The following DOCK2 variants were observed in gnomAD, a reference collection of about 807,000 sequenced individuals.
DOCK2 encodes the protein dedicator of cytokinesis protein 2.
A neutral mutation model predicts 248.9 loss-of-function variants in DOCK2; 87 were observed. That is an observed-to-expected ratio of 0.35 (90% confidence interval 0.29 to 0.42). DOCK2 has a LOEUF of 0.42. Among genes scored for constraint, DOCK2 ranks in the 10% least tolerant of loss-of-function variants. The pLI, the probability that DOCK2 is intolerant of heterozygous loss-of-function variation, is 1.00. For synonymous variants in DOCK2, 805 were observed against 821.6 expected (o/e 0.98, Z 0.35); for missense variants, 1,747 against 2,300.2 (o/e 0.76, Z 4.92).
intron 25 of DOCK2, among the ~76,000 whole-genome samples, chr5:169,781,304 A>G (rs1209642876): frequency 1.3e-5 from 2 of 152,264 alleles, no homozygotes. Flanking sequence ...TAACAAAACA[A>G]CATTGAATGA....
At chr5:169,749,354 C>T (rs548376541) in intron 23 of DOCK2, among the ~76,000 whole-genome samples, 13 of 152,194 alleles carry the variant, frequency 8.5e-5, no homozygotes, top group East Asian at 5.8e-4. Flanking sequence ...CACAGCTACC[C>T]GGACAAGAAG....
At chr5:169,688,743 T>C (rs1399974399) in intron 8 of DOCK2, among the ~76,000 whole-genome samples, 1 of 152,194 alleles carries the variant, frequency 6.6e-6, no homozygotes, top group Non-Finnish European at 1.5e-5. Flanking sequence ...GTATCTTAGA[T>C]AATGGCTGAG....
intron 22 of DOCK2, among the ~76,000 whole-genome samples, chr5:169,741,022 A>C (rs10063204): frequency 0.046 from 6,989 of 152,082 alleles, 557 homozygotes; most frequent in African/African-American, 0.16. Flanking sequence ...TTTTTTGTGG[A>C]GACATTTTCC....
chr5:169,782,672 C>T (rs557461153), intron 25 of DOCK2, among the ~76,000 whole-genome samples: 2 of 152,164 alleles, frequency 1.3e-5, no homozygotes, highest in South Asian at 4.2e-4. Context: ...ATTCAACAGC[C>T]ATGTAGGTCT....
intron 34 of DOCK2, among the ~76,000 whole-genome samples, chr5:170,033,370 T>C (rs10039787): frequency 0.049 from 7,501 of 152,232 alleles, 394 homozygotes; most frequent in African/African-American, 0.13. Context: ...AAACAAATAT[T>C]ATAATTTTAA....
At chr5:169,713,668 T>C (rs1360054118) in intron 17 of DOCK2, among the ~76,000 whole-genome samples, 7 of 152,202 alleles carry the variant, frequency 4.6e-5, no homozygotes, top group Non-Finnish European at 7.3e-5. Flanking sequence ...GCCATTAAAT[T>C]CCTCTTTAAG....
At chr5:169,883,492 C>T (rs1026814099) in intron 27 of DOCK2, 1 of 1,551,642 alleles carries the variant, frequency 6.4e-7, no homozygotes. Flanking sequence ...AGAGAGGTTA[C>T]CGTTGACCTG....
intron 46 of DOCK2, among the ~76,000 whole-genome samples, chr5:170,072,392 T>A (rs916211133): frequency 1.3e-5 from 2 of 152,242 alleles, no homozygotes; most frequent in Non-Finnish European, 2.9e-5. Context: ...ATCTATTGTA[T>A]GTGTATCTAA....
intron 27 of DOCK2, among the ~76,000 whole-genome samples, chr5:169,929,681 A>C (rs1263918636): frequency 2.0e-5 from 3 of 150,990 alleles, no homozygotes; most frequent in African/African-American, 7.3e-5. Flanking sequence ...TATGGAGGTC[A>C]CAGTGAGCCA....
At chr5:169,798,732 A>G (rs752282413) in intron 25 of DOCK2, among the ~76,000 whole-genome samples, 3 of 152,200 alleles carry the variant, frequency 2.0e-5, no homozygotes, top group Non-Finnish European at 4.4e-5. Context: ...TTTCCACCCT[A>G]GAATAGTGAC....
chr5:169,921,574 A>G (rs954533266), intron 27 of DOCK2, among the ~76,000 whole-genome samples: 1 of 152,216 alleles, frequency 6.6e-6, no homozygotes, highest in Non-Finnish European at 1.5e-5. Context: ...CTGTGGCTCT[A>G]AGCATTCCTG....
chr5:170,080,091 G>GAGACCC (rs1482242931), intron 49 of DOCK2, 72 bp from the exon 50 acceptor site: 1 of 1,592,072 alleles, frequency 6.3e-7, no homozygotes, highest in African/African-American at 1.3e-5. Context: ...TGATCTTTCA[G>GAGACCC]AGACCCAGAT....
chr5:170,058,704 A>G (rs1019172701), intron 44 of DOCK2, among the ~76,000 whole-genome samples: 3 of 152,198 alleles, frequency 2.0e-5, no homozygotes, highest in Non-Finnish European at 2.9e-5. Context: ...GTAGACCACC[A>G]TAAGGACTTT....
chr5:169,715,026 T>A (rs1042611103), intron 19 of DOCK2, among the ~76,000 whole-genome samples: 4 of 152,124 alleles, frequency 2.6e-5, no homozygotes, highest in South Asian at 4.1e-4. Context: ...CACAGATCAT[T>A]GTTAGAAATA....
chr5:170,054,035 T>A (rs1247028470), intron 41 of DOCK2, among the ~76,000 whole-genome samples: 1 of 126,172 alleles, frequency 7.9e-6, no homozygotes, highest in African/African-American at 3.9e-5. Flanking sequence ...AACTGGGGGG[T>A]GAATTGTTTT....
Position 169,753,997 on chromosome 5 carries a change from G to T in DOCK2, c.2377-5708G>T, listed in dbSNP as rs1764053679. ...TTTTGAATGCCTGTGGCTCTTGAAT[G>T]AGGAAGCTATCTGGTAGCATTCTTG... On this transcript the variant is annotated intron_variant, in intron 23 of 51. Coordinates refer to ENST00000520908, the MANE Select transcript of DOCK2 (RefSeq NM_004946.3). Among the ~76,000 whole-genome samples the T allele has an allele frequency of 1.3e-5, 2 of 152,204 alleles. 1 individual carries two copies. The highest frequency in any genetic ancestry group is 4.1e-4 in the South Asian group (2 of 4,826).
At chr5:169,968,288 C>G (rs536195932) in intron 27 of DOCK2, among the ~76,000 whole-genome samples, 2 of 152,252 alleles carry the variant, frequency 1.3e-5, no homozygotes, top group South Asian at 4.2e-4. Flanking sequence ...AGACCTTTGT[C>G]CTTTAAAATC....
intron 2 of DOCK2, among the ~76,000 whole-genome samples, chr5:169,668,175 G>A (rs1042669402): frequency 6.6e-6 from 1 of 152,104 alleles, no homozygotes; most frequent in Non-Finnish European, 1.5e-5. Flanking sequence ...TACTTCATGC[G>A]GTTGTTATGA....
chr5:169,684,083 G>A, intron 7 of DOCK2, 113 bp from the exon 8 acceptor site: 2 of 1,278,566 alleles, frequency 1.6e-6, no homozygotes, highest in Non-Finnish European at 2.2e-6. Flanking sequence ...AGAGCTGGAT[G>A]GAATGCCCAA....
Sources: allele counts gnomAD v4.1 joint callset (sites outside exome capture counted in the v4.1 genomes callset), GRCh38; gene constraint gnomAD v4.1.1; transcripts MANE v1.5; gene names NCBI Gene and HGNC (gene_info 2026-07-23, HGNC 2026-07-21).